ATRNL1: variants seen among roughly 807,000 people sequenced by gnomAD.
The protein encoded by ATRNL1 is attractin like 1.
ATRNL1 carries 95 observed loss-of-function variants against 182.7 expected under a neutral mutation model. The ratio of observed to expected loss-of-function variants is 0.52; its 90% CI spans 0.44 to 0.62. The LOEUF (loss-of-function observed/expected upper bound fraction) is 0.62. ATRNL1 is among the 20% of genes least tolerant of loss of function. The pLI, the probability that ATRNL1 is intolerant of heterozygous loss-of-function variation, is 0.00. For missense variants in ATRNL1, 1,471 were observed against 1,679.5 expected, an observed-to-expected ratio of 0.88 and a Z score of 2.17; for synonymous variants, 576 against 568.3, an observed-to-expected ratio of 1.01 and a Z score of -0.19.
chr10:115,457,529 C>T (rs1847584900), intron 21 of ATRNL1, among the ~76,000 whole-genome samples: 1 of 151,964 alleles, frequency 6.6e-6, no homozygotes, highest in Non-Finnish European at 1.5e-5. Flanking sequence ...ACTACAAATA[C>T]TATATTTCCT....
chr10:115,154,347 G>T (rs760989698), intron 5 of ATRNL1, among the ~76,000 whole-genome samples: 4 of 152,124 alleles, frequency 2.6e-5, no homozygotes, highest in Non-Finnish European at 4.4e-5. Context: ...GGGAGTCTAA[G>T]TCTCTTTGTA....
intron 28 of ATRNL1, among the ~76,000 whole-genome samples, chr10:115,901,743 G>GAAAAAAAAAAAAAAAAAAA (rs562327427): frequency 1.7e-5 from 1 of 58,048 alleles, no homozygotes; most frequent in African/African-American, 4.0e-5. Flanking sequence ...GAACTGAGAA[G>GAAAAAAAAAAAAAAAAAAA]AAAAAAAAAA....
intron 28 of ATRNL1, among the ~76,000 whole-genome samples, chr10:115,935,283 T>C (rs191450265): frequency 4.6e-5 from 7 of 152,320 alleles, no homozygotes; most frequent in African/African-American, 1.7e-4. Flanking sequence ...CTGCATATCC[T>C]GATAAAATGA....
intron 26 of ATRNL1, among the ~76,000 whole-genome samples, chr10:115,697,065 C>T (rs551450646): frequency 1.5e-4 from 23 of 152,154 alleles, no homozygotes; most frequent in Middle Eastern, 3.4e-3. Flanking sequence ...GATAAGATTT[C>T]GGTGGGAACA....
rs369197730 is a variant in ATRNL1 at position 115,334,454 on chromosome 10, T to C, written c.3175+35T>C. ...TTTTAAGCAAATTTTGGTGTATTTT[T>C]ACTAAGGAAAAGATAATTAAGAAAG... On this transcript the variant is annotated intron_variant, in intron 19 of 28. Coordinates refer to ENST00000355044, the MANE Select transcript of ATRNL1 (RefSeq NM_207303.4). The C allele has an allele frequency of 4.1e-6, 6 of 1,479,392 alleles. No homozygotes were observed. In the African/African-American group the frequency reaches 8.3e-5, roughly 21 times the overall value. 91.6% of individuals were successfully genotyped at this position (1,479,392 alleles called of 1,614,324 possible).
chr10:115,584,064 C>T (rs200118517), intron 26 of ATRNL1, among the ~76,000 whole-genome samples: 72,103 of 151,634 alleles, frequency 0.48, 18,640 homozygotes, highest in East Asian at 0.84. Flanking sequence ...TATTGATTTG[C>T]GTGTATTCAA....
intron 21 of ATRNL1, among the ~76,000 whole-genome samples, chr10:115,455,569 G>A (rs1291369657): frequency 6.6e-6 from 1 of 152,046 alleles, no homozygotes; most frequent in Non-Finnish European, 1.5e-5. Flanking sequence ...CAGGACATAG[G>A]CATGGGCAAC....
At chr10:115,125,069 G>C (rs1238639942) in intron 3 of ATRNL1, among the ~76,000 whole-genome samples, 1 of 152,150 alleles carries the variant, frequency 6.6e-6, no homozygotes, top group African/African-American at 2.4e-5. Context: ...ACACATTAAA[G>C]AGCATTATAT....
At chr10:115,909,149 C>G (rs1229582744) in intron 28 of ATRNL1, among the ~76,000 whole-genome samples, 5 of 151,994 alleles carry the variant, frequency 3.3e-5, no homozygotes, top group Non-Finnish European at 7.4e-5. Flanking sequence ...CTCTCTCCCC[C>G]TAGGCGCAAT....
At position 115,201,895 on chromosome 10, in the gene ATRNL1, CTT is replaced by C. The variant is rs1315624599; in HGVS notation, c.1349-13799_1349-13798del. ...ATATTCTTCCATCTGTTTGTATCCT[CTT>C]TTATTTCATTGAGCAGTGGTTTGTA... is the stretch of plus-strand genomic sequence containing the variant. On this transcript the variant is annotated intron_variant, in intron 8 of 28. Transcript: ENST00000355044. 2.0e-5 allele frequency among the ~76,000 whole-genome samples: 3 copies of C among 152,252 alleles called. No homozygotes were observed. In the East Asian group the frequency reaches 5.8e-4, roughly 29 times the overall value.
At chr10:115,124,597 C>G (rs1036197062) in intron 3 of ATRNL1, among the ~76,000 whole-genome samples, 3 of 152,198 alleles carry the variant, frequency 2.0e-5, no homozygotes, top group Non-Finnish European at 4.4e-5. Flanking sequence ...ATCCCCTTCT[C>G]TCTCGGGAAG....
At chr10:115,215,645 T>C in intron 8 of ATRNL1, 52 bp from the exon 9 acceptor site, 7 of 1,374,566 alleles carry the variant, frequency 5.1e-6, no homozygotes, top group Non-Finnish European at 6.9e-6. Flanking sequence ...ATATATTAGT[T>C]ATATTTAAAA....
In ATRNL1 at chr10:115,315,670, A is replaced by C; in HGVS notation, c.2971A>C (p.Met991Leu). 6.2e-7 allele frequency: 1 copy of C among 1,613,886 alleles called. No individual in the cohort carries two copies. ...GCTTATTGGAATGCACCACAGTGAG[A>C]TGGTTCTTGACACCAATCTTTGCCC... Reference protein sequence around the residue: ...MKLIGMHHSEMVLDTNLCPKE... With the variant: ...MKLIGMHHSELVLDTNLCPKE... The change falls in exon 18 of 29, where the codon ATG (methionine) becomes CTG (leucine). Residue 991 changes from methionine (M) to leucine (L), a missense_variant. Met to Leu is a conservative substitution (Grantham distance 15, BLOSUM62 2). Around this residue, in one of 3 missense-constraint regions of ATRNL1, gnomAD observed 437 missense variants for 506.0 expected, o/e 0.86. Coordinates refer to ENST00000355044, the MANE Select transcript of ATRNL1 (RefSeq NM_207303.4).
At chr10:115,199,355 A>G (rs1848472921) in intron 8 of ATRNL1, among the ~76,000 whole-genome samples, 1 of 152,022 alleles carries the variant, frequency 6.6e-6, no homozygotes, top group Non-Finnish European at 1.5e-5. Context: ...TCACAAGGTC[A>G]AGAGATCGAG....
At position 115,571,301 on chromosome 10, in the gene ATRNL1, G is replaced by A. The variant is rs141547154; in HGVS notation, c.3795+21765G>A. On this transcript the variant is annotated intron_variant, in intron 26 of 28. Transcript: ENST00000355044. ...AAATGGATTGTCCTGCTTTTTCATG[G>A]AAGGAAGGAGTGATGAAGAATTTCT... Among the ~76,000 whole-genome samples the A allele has an allele frequency of 1.6e-3, 250 of 152,288 alleles. 1 individual carries two copies. Among genetic ancestry groups the A allele is most frequent in the African/African-American group, 5.8e-3 (239 of 41,562 alleles).
intron 19 of ATRNL1, among the ~76,000 whole-genome samples, chr10:115,393,692 T>G (rs754965773): frequency 6.6e-5 from 10 of 152,086 alleles, no homozygotes; most frequent in Admixed American, 6.6e-5. Flanking sequence ...TATATTGTTG[T>G]CAGTAAGAGA....
intron 28 of ATRNL1, among the ~76,000 whole-genome samples, chr10:115,942,149 A>T (rs1403031542): frequency 2.0e-5 from 3 of 152,242 alleles, no homozygotes; most frequent in African/African-American, 7.2e-5. Flanking sequence ...AAATGTATCC[A>T]AGGCTCCCTT....
At chr10:115,492,089 C>T (rs1416044334) in intron 24 of ATRNL1, among the ~76,000 whole-genome samples, 1 of 152,120 alleles carries the variant, frequency 6.6e-6, no homozygotes, top group African/African-American at 2.4e-5. Context: ...CAACCAGTCC[C>T]GGTGAGATGA....
intron 28 of ATRNL1, among the ~76,000 whole-genome samples, chr10:115,891,244 T>C (rs553310314): frequency 6.6e-6 from 1 of 152,194 alleles, no homozygotes; most frequent in African/African-American, 2.4e-5. Context: ...TGAGGACACT[T>C]ATAAAAGGAG....
Sources: gnomAD v4.1 joint callset for allele counts (sites outside exome capture counted in the v4.1 genomes callset) on GRCh38, gnomAD v4.1.1 for gene constraint, gnomAD v4.1.1 regional missense constraint, MANE v1.5 for transcripts, NCBI Gene and HGNC (gene_info 2026-07-23, HGNC 2026-07-21) for gene names.